The following AGBL4 variants were observed in gnomAD, a reference collection of about 807,000 sequenced individuals.
AGBL4 encodes cytosolic carboxypeptidase 6.
AGBL4 carries 58 observed loss-of-function variants against 66.4 expected under a neutral mutation model. The observed-to-expected ratio is 0.87, with a 90% CI of 0.71 to 1.09. AGBL4 has a LOEUF of 1.09. AGBL4 is among the 50% of genes least tolerant of loss of function. AGBL4 has a pLI of 0.00. For missense variants in AGBL4, 579 were observed against 631.0 expected (o/e 0.92, Z 0.88); for synonymous variants, 234 against 222.9 (o/e 1.05, Z -0.44).
intron 1 of AGBL4, among the ~76,000 whole-genome samples, chr1:49,997,744 C>T (rs948920700): frequency 1.3e-5 from 2 of 152,080 alleles, no homozygotes; most frequent in Non-Finnish European, 2.9e-5. Context: ...CCAATAACTG[C>T]AGAATATACA....
intron 3 of AGBL4, among the ~76,000 whole-genome samples, chr1:49,433,837 A>C (rs1645842032): frequency 6.6e-6 from 1 of 152,206 alleles, no homozygotes; most frequent in Non-Finnish European, 1.5e-5. Context: ...AATGCTTGAC[A>C]TGGTGCCTGG....
intron 4 of AGBL4, among the ~76,000 whole-genome samples, chr1:49,166,340 T>C (rs1225231050): frequency 2.0e-5 from 3 of 152,114 alleles, no homozygotes; most frequent in Non-Finnish European, 4.4e-5. Flanking sequence ...GAAACTCTAA[T>C]TTGTCATGTT....
chr1:48,885,586 G>GA (rs1301855111), intron 5 of AGBL4, among the ~76,000 whole-genome samples: 4 of 152,026 alleles, frequency 2.6e-5, no homozygotes, highest in Non-Finnish European at 4.4e-5. Context: ...TCAAAAAGCA[G>GA]AAAAAAATGG....
At chr1:48,744,067 C>A (rs1434229999) in intron 6 of AGBL4, among the ~76,000 whole-genome samples, 1 of 152,208 alleles carries the variant, frequency 6.6e-6, no homozygotes, top group African/African-American at 2.4e-5. Flanking sequence ...CCTGGCTACA[C>A]TATATTTTAA....
At chr1:49,882,345 G>C (rs907382087) in intron 1 of AGBL4, among the ~76,000 whole-genome samples, 14 of 150,732 alleles carry the variant, frequency 9.3e-5, no homozygotes, top group African/African-American at 3.4e-4. Flanking sequence ...TTGTTCTTTT[G>C]GCTTAGGATT....
At chr1:48,772,408 T>C (rs1316336349) in intron 6 of AGBL4, among the ~76,000 whole-genome samples, 1 of 152,126 alleles carries the variant, frequency 6.6e-6, no homozygotes, top group Non-Finnish European at 1.5e-5. Context: ...TCCCCACCTG[T>C]AGGTGAGCTC....
chr1:49,060,554 A>G (rs989291985), intron 4 of AGBL4, among the ~76,000 whole-genome samples: 23 of 151,972 alleles, frequency 1.5e-4, no homozygotes, highest in African/African-American at 2.4e-5. Flanking sequence ...GTAGACATAG[A>G]CCTAAGCCTG....
intron 3 of AGBL4, among the ~76,000 whole-genome samples, chr1:49,370,751 T>C (rs1239841896): frequency 2.0e-5 from 3 of 152,206 alleles, no homozygotes; most frequent in Non-Finnish European, 2.9e-5. Context: ...ATAAAATATA[T>C]AAAATGCTTA....
At chr1:49,488,664 A>G (rs1299885899) in intron 3 of AGBL4, among the ~76,000 whole-genome samples, 1 of 151,732 alleles carries the variant, frequency 6.6e-6, no homozygotes, top group East Asian at 1.9e-4. Flanking sequence ...ATATTTTTGC[A>G]CACATTAACT....
intron 3 of AGBL4, among the ~76,000 whole-genome samples, chr1:49,267,674 TG>T (rs1486093517): frequency 2.0e-4 from 31 of 151,488 alleles, no homozygotes; most frequent in Non-Finnish European, 7.4e-5. Context: ...AGCGAGACTC[TG>T]TCCCAAAAAA....
At position 49,383,848 on chromosome 1, in the gene AGBL4, G is replaced by A. The variant is rs577582260; in HGVS notation, c.283-137984C>T. Among the ~76,000 whole-genome samples, 3 of 151,972 alleles carry A rather than the reference G, an allele frequency of 2.0e-5. No homozygotes were observed. The South Asian group carries it at 6.2e-4, about 32-fold the overall frequency. On this transcript the variant is annotated intron_variant, in intron 3 of 13. Transcript: ENST00000371839. ...TGTCTTGCTCTGTTGCCAGGCTGGAGTACAGTGGCGTGATCTTGGCTCATT... is the reference window on the plus strand; with the variant it reads ...TGTCTTGCTCTGTTGCCAGGCTGGAATACAGTGGCGTGATCTTGGCTCATT...
chr1:49,276,096 C>A (rs1362721947), intron 3 of AGBL4, among the ~76,000 whole-genome samples: 6 of 151,670 alleles, frequency 4.0e-5, no homozygotes. Context: ...TAGATATTCT[C>A]CTACATTATA....
At chr1:49,567,789 C>A (rs1490326993) in intron 3 of AGBL4, among the ~76,000 whole-genome samples, 1 of 152,078 alleles carries the variant, frequency 6.6e-6, no homozygotes, top group African/African-American at 2.4e-5. Flanking sequence ...AAGAAGAAAA[C>A]TTCAGGCAAG....
At chr1:48,931,233 T>C (rs547951221) in intron 5 of AGBL4, among the ~76,000 whole-genome samples, 1 of 152,326 alleles carries the variant, frequency 6.6e-6, no homozygotes, top group Non-Finnish European at 1.5e-5. Flanking sequence ...TCTCTAATAC[T>C]AAAGCATGAG....
chr1:48,890,226 TC>T (rs1650805861), intron 5 of AGBL4, among the ~76,000 whole-genome samples: 1 of 152,034 alleles, frequency 6.6e-6, no homozygotes, highest in African/African-American at 2.4e-5. Context: ...GAGGTCCCCC[TC>T]TCCATACCCA....
chr1:48,933,608 C>A (rs1655214146), intron 5 of AGBL4, among the ~76,000 whole-genome samples: 1 of 152,224 alleles, frequency 6.6e-6, no homozygotes, highest in African/African-American at 2.4e-5. Context: ...TAATAATAGG[C>A]AGCTCTGTGT....
chr1:49,754,338 G>A (rs919589608), intron 2 of AGBL4, among the ~76,000 whole-genome samples: 18 of 150,474 alleles, frequency 1.2e-4, no homozygotes, highest in African/African-American at 4.4e-4. Context: ...GGGTACATGT[G>A]CACATTGTGC....
chr1:49,703,078 A>T (rs1314475387), intron 2 of AGBL4, among the ~76,000 whole-genome samples: 6 of 152,138 alleles, frequency 3.9e-5, no homozygotes, highest in Admixed American at 1.3e-4. Context: ...TGTTGTGGAG[A>T]TTCCAGGAAG....
chr1:49,563,030 T>C (rs972123851), intron 3 of AGBL4, among the ~76,000 whole-genome samples: 1 of 152,126 alleles, frequency 6.6e-6, no homozygotes, highest in Non-Finnish European at 1.5e-5. Flanking sequence ...TTCACATCCC[T>C]TGTAAGTTGG....
Sources: allele counts gnomAD v4.1 joint callset (sites outside exome capture counted in the v4.1 genomes callset), GRCh38; gene constraint gnomAD v4.1.1; transcripts MANE v1.5; gene names NCBI Gene and HGNC (gene_info 2026-07-23, HGNC 2026-07-21).